Variants in ACAP2 observed in about 807,000 individuals in gnomAD.
ACAP2 encodes the protein ArfGAP with coiled-coil, ankyrin repeat and PH domains 2.
A neutral mutation model predicts 115.8 loss-of-function variants in ACAP2; 39 were observed. The observed-to-expected ratio is 0.34, with a 90% CI of 0.26 to 0.44. The LOEUF is 0.44. Among genes scored for constraint, ACAP2 ranks in the 20% least tolerant of loss-of-function variants. ACAP2 has a pLI of 1.00. For missense variants in ACAP2, 662 were observed against 927.6 expected, an observed-to-expected ratio of 0.71 and a Z score of 3.72; for synonymous variants, 289 against 315.8, an observed-to-expected ratio of 0.92 and a Z score of 0.90.
chr3:195,371,976 T>C (rs1733181401), intron 4 of ACAP2, among the ~76,000 whole-genome samples: 1 of 152,220 alleles, frequency 6.6e-6, no homozygotes. Context: ...CTTAATTTTA[T>C]AATCTTTCAA....
chr3:195,437,115 A>G lies in ACAP2; in HGVS notation c.53+5680T>C, dbSNP rs1715602417. On this transcript the variant is annotated intron_variant, in intron 1 of 22. Transcript: ENST00000326793. ...CAAGGTGGAGTACAGTGGCATCACCATAGCTCACTGTAACCTCAAACTCCA... is the reference window on the plus strand; with the variant it reads ...CAAGGTGGAGTACAGTGGCATCACCGTAGCTCACTGTAACCTCAAACTCCA... Among the ~76,000 whole-genome samples, 2 of 152,200 alleles carry G rather than the reference A, an allele frequency of 1.3e-5. 1 individual carries two copies. Among genetic ancestry groups the G allele is most frequent in the African/African-American group, 4.8e-5 (2 of 41,432 alleles).
intron 4 of ACAP2, among the ~76,000 whole-genome samples, chr3:195,379,006 T>C (rs1411426772): frequency 6.6e-6 from 1 of 152,084 alleles, no homozygotes; most frequent in Non-Finnish European, 1.5e-5. Flanking sequence ...TTTCAAAGGA[T>C]AATAAATTAT....
chr3:195,385,954 C>T (rs1005611418), intron 2 of ACAP2, among the ~76,000 whole-genome samples: 3 of 152,138 alleles, frequency 2.0e-5, no homozygotes, highest in Non-Finnish European at 4.4e-5. Context: ...GGGATCATAG[C>T]AGCATTATTT....
intron 18 of ACAP2, 140 bp downstream of exon 18, chr3:195,294,578 CA>C (rs71637158): frequency 0.2 from 14,811 of 73,054 alleles, 1,034 homozygotes; most frequent in Middle Eastern, 0.31. Context: ...AACTCCATCT[CA>C]AAAAAAAAAG....
Position 195,387,699 on chromosome 3 carries a change from G to T in ACAP2, c.111+4391C>A, listed in dbSNP as rs189834700. Among the ~76,000 whole-genome samples the T allele has an allele frequency of 3.9e-4, 60 of 152,116 alleles. 1 individual carries two copies. Among genetic ancestry groups the T allele is most frequent in the Admixed American group, 2.2e-3 (34 of 15,272 alleles). On this transcript the variant is annotated intron_variant, in intron 2 of 22. Coordinates refer to ENST00000326793, the MANE Select transcript of ACAP2 (RefSeq NM_012287.6). ...TCAAACTCCTGACCTCAAGTGATTCGCCTGCCTCGGCCTCCCAAAGTGCTA... is the reference window on the plus strand; with the variant it reads ...TCAAACTCCTGACCTCAAGTGATTCTCCTGCCTCGGCCTCCCAAAGTGCTA...
At chr3:195,369,020 G>A (rs560967394) in intron 4 of ACAP2, among the ~76,000 whole-genome samples, 1 of 151,788 alleles carries the variant, frequency 6.6e-6, no homozygotes, top group Non-Finnish European at 1.5e-5. Flanking sequence ...GGAGGCGGAG[G>A]TTGCAGTGAG....
chr3:195,323,501 T>G (rs1729581603), intron 9 of ACAP2, among the ~76,000 whole-genome samples: 2 of 152,014 alleles, frequency 1.3e-5, no homozygotes, highest in African/African-American at 4.8e-5. Context: ...ATCATAAAAC[T>G]TTATGAAAGC....
At chr3:195,347,221 T>C (rs555726603) in intron 4 of ACAP2, among the ~76,000 whole-genome samples, 20 of 152,076 alleles carry the variant, frequency 1.3e-4, no homozygotes, top group Non-Finnish European at 2.6e-4. Context: ...AACAGGTTGA[T>C]TGAAAGGACA....
intron 21 of ACAP2, among the ~76,000 whole-genome samples, chr3:195,288,502 C>A (rs1726997766): frequency 6.6e-6 from 1 of 152,106 alleles, no homozygotes; most frequent in African/African-American, 2.4e-5. Context: ...TTCAACCAAT[C>A]ACCAGTGGAA....
At chr3:195,366,644 T>C (rs1184386025) in intron 4 of ACAP2, among the ~76,000 whole-genome samples, 1 of 152,228 alleles carries the variant, frequency 6.6e-6, no homozygotes, top group East Asian at 1.9e-4. Flanking sequence ...GGCTGCAGAC[T>C]AGAATGACAT....
intron 1 of ACAP2, among the ~76,000 whole-genome samples, chr3:195,426,974 A>G (rs1423576174): frequency 2.0e-5 from 3 of 151,936 alleles, no homozygotes; most frequent in African/African-American, 7.3e-5. Flanking sequence ...GAATCCTCAG[A>G]ACCCGCAAAT....
intron 9 of ACAP2, among the ~76,000 whole-genome samples, chr3:195,324,768 T>C (rs1029268644): frequency 6.6e-6 from 1 of 151,758 alleles, no homozygotes; most frequent in Non-Finnish European, 1.5e-5. Flanking sequence ...AAATAAAAAA[T>C]AAAGATCTAA....
intron 21 of ACAP2, among the ~76,000 whole-genome samples, chr3:195,288,542 A>C (rs1727000241): frequency 6.6e-6 from 1 of 152,164 alleles, no homozygotes; most frequent in African/African-American, 2.4e-5. Flanking sequence ...GCAATAAAAA[A>C]CAACCATACA....
intron 7 of ACAP2, among the ~76,000 whole-genome samples, 191 bp from the exon 8 acceptor site, chr3:195,333,314 A>G (rs962818324): frequency 1.2e-4 from 19 of 152,056 alleles, no homozygotes; most frequent in Admixed American, 7.2e-4. Context: ...TGATTCTCCC[A>G]CTTCAGCCTC....
Position 195,398,891 on chromosome 3 carries a change from G to C in ACAP2, c.54-6744C>G, listed in dbSNP as rs139672747. 4.2e-4 allele frequency among the ~76,000 whole-genome samples: 64 copies of C among 152,238 alleles called. No homozygotes were observed. The East Asian group carries it at 8.7e-3, about 21-fold the overall frequency. On this transcript the variant is annotated intron_variant, in intron 1 of 22. Coordinates refer to ENST00000326793, the MANE Select transcript of ACAP2 (RefSeq NM_012287.6). ...ACTAGAAATGGAAACCAATATTTTA[G>C]TCTGTCAACTCATACGAGCCCCTGA... is the stretch of plus-strand genomic sequence containing the variant.
intron 1 of ACAP2, among the ~76,000 whole-genome samples, chr3:195,403,938 T>G (rs956408019): frequency 6.6e-6 from 1 of 152,066 alleles, no homozygotes; most frequent in Non-Finnish European, 1.5e-5. Flanking sequence ...ATTATTAAAA[T>G]AAAAAGTAAA....
intron 6 of ACAP2, 24 bp from the exon 7 acceptor site, chr3:195,337,000 A>G: frequency 6.2e-7 from 1 of 1,602,732 alleles, no homozygotes; most frequent in Non-Finnish European, 8.5e-7. Context: ...CACGTGGTTA[A>G]TCACCCATGC....
intron 14 of ACAP2, 113 bp from the exon 15 acceptor site, chr3:195,301,757 G>T: frequency 8.7e-7 from 1 of 1,149,984 alleles, no homozygotes; most frequent in Middle Eastern, 2.0e-4. Context: ...ACACATATAG[G>T]CACAGATCTT....
chr3:195,286,267 G>A (rs1035627188), intron 21 of ACAP2, among the ~76,000 whole-genome samples: 5 of 152,178 alleles, frequency 3.3e-5, no homozygotes, highest in Non-Finnish European at 5.9e-5. Flanking sequence ...CCTGAAGTGA[G>A]GTAGCTGCAG....
Sources: allele counts gnomAD v4.1 joint callset (sites outside exome capture counted in the v4.1 genomes callset), GRCh38; gene constraint gnomAD v4.1.1; transcripts MANE v1.5; gene names NCBI Gene and HGNC (gene_info 2026-07-23, HGNC 2026-07-21).